PIK3R4: variants seen among roughly 807,000 people sequenced by gnomAD.
PIK3R4 encodes phosphoinositide-3-kinase regulatory subunit 4.
PIK3R4 carries 46 observed loss-of-function variants against 136.5 expected under a neutral mutation model. The ratio of observed to expected loss-of-function variants is 0.34; its 90% confidence interval spans 0.27 to 0.43. The LOEUF (loss-of-function observed/expected upper bound fraction) is 0.43. PIK3R4 is among the 20% of genes least tolerant of loss of function. The probability of loss-of-function intolerance (pLI) is 1.00; values close to 1 mark genes in which losing one functional copy is unlikely to be tolerated. For missense variants in PIK3R4, 1,331 were observed against 1,649.5 expected, an observed-to-expected ratio of 0.81 and a Z score of 3.35; for synonymous variants, 557 against 566.7, an observed-to-expected ratio of 0.98 and a Z score of 0.24.
intron 7 of PIK3R4, among the ~76,000 whole-genome samples, chr3:130,720,636 G>A (rs1053648335): frequency 6.6e-6 from 1 of 152,068 alleles, no homozygotes; most frequent in African/African-American, 2.4e-5. Context: ...AAACAATATG[G>A]CTGAATAGGA....
chr3:130,730,133 A>T (rs1310132523), intron 5 of PIK3R4, among the ~76,000 whole-genome samples, 175 bp downstream of exon 5: 1 of 152,206 alleles, frequency 6.6e-6, no homozygotes, highest in Non-Finnish European at 1.5e-5. Context: ...ATTTTTGAGC[A>T]AGATAACAGT....
At chr3:130,718,695 G>A (rs549463307) in intron 7 of PIK3R4, among the ~76,000 whole-genome samples, 161 bp from the exon 8 acceptor site, 72 of 152,244 alleles carry the variant, frequency 4.7e-4, no homozygotes, top group African/African-American at 1.7e-3. Flanking sequence ...ACTCAATCAA[G>A]TGGACACACT....
At chr3:130,703,251 C>G (rs188200154) in intron 13 of PIK3R4, among the ~76,000 whole-genome samples, 2 of 152,316 alleles carry the variant, frequency 1.3e-5, no homozygotes, top group Admixed American at 1.3e-4. Context: ...TCACTTTGCT[C>G]CAGCCACAAA....
At chr3:130,702,302 A>G (rs1376951404) in intron 13 of PIK3R4, among the ~76,000 whole-genome samples, 1 of 152,196 alleles carries the variant, frequency 6.6e-6, no homozygotes, top group African/African-American at 2.4e-5. Flanking sequence ...GCATATTTGA[A>G]TATTTTATAG....
intron 7 of PIK3R4, among the ~76,000 whole-genome samples, chr3:130,721,829 G>A (rs564354097): frequency 2.1e-3 from 327 of 152,224 alleles, no homozygotes; most frequent in African/African-American, 7.2e-3. Context: ...GTATGTGCAA[G>A]TACAGCATGG....
At chr3:130,707,210 G>C (rs2066610684) in intron 10 of PIK3R4, 75 bp from the exon 11 acceptor site, 1 of 999,608 alleles carries the variant, frequency 1.0e-6, no homozygotes, top group African/African-American at 1.6e-5. Flanking sequence ...TGCCTTTGGA[G>C]GGGACAGTAG....
rs756822733 is a variant in PIK3R4 at position 130,690,611 on chromosome 3, G to C, written c.3142C>G (p.Leu1048Val). 6.2e-7 allele frequency: 1 copy of C among 1,611,510 alleles called. No homozygotes were observed. Among genetic ancestry groups the C allele is most frequent in the Non-Finnish European group, 8.5e-7 (1 of 1,177,924 alleles). ...YSRIGGRVKT[L>V]TFCQGSHYLA... ...TAGTGGGAGCCTTGGCAGAATGTGA[G>C]CGTCTTGACTCGTCCTCCAATTCGG... The change falls in exon 14 of 20, where the codon CTC (leucine) becomes GTC (valine). Residue 1048 changes from leucine to valine, a missense_variant. Coordinates refer to ENST00000356763, the MANE Select transcript of PIK3R4 (RefSeq NM_014602.3).
At chr3:130,732,134 C>T (rs980468484) in intron 4 of PIK3R4, among the ~76,000 whole-genome samples, 11 of 152,322 alleles carry the variant, frequency 7.2e-5, no homozygotes, top group African/African-American at 2.6e-4. Context: ...AGACCGGATA[C>T]ATTTGGGTCA....
intron 2 of PIK3R4, among the ~76,000 whole-genome samples, chr3:130,737,394 T>C (rs1416685107): frequency 6.6e-6 from 1 of 152,194 alleles, no homozygotes; most frequent in Non-Finnish European, 1.5e-5. Context: ...GAACGGTGGC[T>C]CATGCCTGTA....
chr3:130,722,598 A>G, intron 7 of PIK3R4, among the ~76,000 whole-genome samples: 1 of 152,320 alleles, frequency 6.6e-6, no homozygotes, highest in Admixed American at 6.5e-5. Flanking sequence ...ATGTGAAATT[A>G]TAATAGAATA....
chr3:130,680,787 C>G (rs776226925), intron 18 of PIK3R4, 66 bp from the exon 19 acceptor site: 29 of 1,015,134 alleles, frequency 2.9e-5, no homozygotes, highest in Non-Finnish European at 4.4e-5. Flanking sequence ...TAATCATTGG[C>G]TTATCTTCAT....
intron 2 of PIK3R4, among the ~76,000 whole-genome samples, chr3:130,744,170 C>A (rs1352895533): frequency 2.6e-5 from 4 of 152,190 alleles, no homozygotes; most frequent in Non-Finnish European, 4.4e-5. Context: ...GCAATATCCA[C>A]GGTCACTTTA....
chr3:130,732,147 T>C (rs1425031230), intron 4 of PIK3R4, among the ~76,000 whole-genome samples: 1 of 152,206 alleles, frequency 6.6e-6, no homozygotes, highest in African/African-American at 2.4e-5. Flanking sequence ...TTGGGTCATG[T>C]TATTTAGTCT....
chr3:130,679,517 G>A (rs2108512801), intron 19 of PIK3R4, 32 bp from the exon 20 acceptor site: 2 of 1,551,030 alleles, frequency 1.3e-6, no homozygotes, highest in Non-Finnish European at 1.8e-6. Context: ...GCAAGCCAGA[G>A]GTTAAAAGTC....
At chr3:130,710,606 T>C (rs2066628130) in intron 9 of PIK3R4, among the ~76,000 whole-genome samples, 1 of 152,002 alleles carries the variant, frequency 6.6e-6, no homozygotes, top group African/African-American at 2.4e-5. Context: ...GGTATTCAGA[T>C]TGGAAAAAAA....
Position 130,679,415 on chromosome 3 carries a change from A to T in PIK3R4, c.3977T>A (p.Val1326Glu). 1.2e-6 allele frequency: 2 copies of T among 1,612,490 alleles called. No individual in the cohort carries two copies. Among genetic ancestry groups the T allele is most frequent in the South Asian group, 1.1e-5 (1 of 91,048 alleles). ...ATCAGTGATGATGTCATGATGTCCC[A>T]CGGGCAGGGACTCTGGGCCCCTTCG... Reference protein sequence around the residue: ...TPRRGPESLPVGHHDIITDVA... With the variant: ...TPRRGPESLPEGHHDIITDVA... Residue 1326 changes from valine (V) to glutamate (E), a missense_variant, in exon 20 of 20, where the codon GTG (valine) becomes GAG (glutamate). Val to Glu is a moderately radical substitution (Grantham distance 121). This residue lies in a region of PIK3R4 where 1,180 missense variants were observed against 1,407.0 expected (regional missense o/e 0.84). Transcript: ENST00000356763.
chr3:130,724,576 T>G (rs1393521074), intron 6 of PIK3R4, among the ~76,000 whole-genome samples: 1 of 152,072 alleles, frequency 6.6e-6, no homozygotes, highest in Non-Finnish European at 1.5e-5. Context: ...AAAAAAATTG[T>G]TGAGAATTCT....
In PIK3R4 at chr3:130,745,265, C is replaced by T. The variant is rs754654846; in HGVS notation, c.-46-1G>A. 1 of 1,500,526 alleles carries T rather than the reference C, an allele frequency of 6.7e-7. No homozygotes were observed. The highest frequency in any genetic ancestry group is 8.9e-7 in the Non-Finnish European group (1 of 1,128,176). 93.0% of individuals were successfully genotyped at this position (1,500,526 alleles called of 1,614,324 possible). A position where few individuals can be genotyped will look rare whatever the true frequency, so the allele number is the denominator to read the frequency against. On this transcript the variant is annotated splice_acceptor_variant, in intron 1 of 19. Coordinates refer to ENST00000356763, the MANE Select transcript of PIK3R4 (RefSeq NM_014602.3). LOFTEE classifies it low-confidence loss of function (5UTR_SPLICE). ...CTTTAGTAAGGTTAGGATATAATAC[C>T]TGTTTAAAATAAAAACAAATGAAGA...
intron 13 of PIK3R4, among the ~76,000 whole-genome samples, chr3:130,696,923 G>A (rs2066549257): frequency 1.3e-5 from 2 of 151,866 alleles, no homozygotes; most frequent in Admixed American, 6.6e-5. Flanking sequence ...GTGTTTTTGG[G>A]GCTCTGCTGT....
Sources: gnomAD v4.1 joint callset for allele counts (sites outside exome capture counted in the v4.1 genomes callset) on GRCh38, gnomAD v4.1.1 for gene constraint, gnomAD v4.1.1 regional missense constraint, MANE v1.5 for transcripts, NCBI Gene and HGNC (gene_info 2026-07-23, HGNC 2026-07-21) for gene names.